ZNF385B: variants seen among roughly 807,000 people sequenced by gnomAD.
ZNF385B encodes the protein zinc finger protein 385B.
A neutral mutation model predicts 39.2 loss-of-function variants in ZNF385B; 23 were observed. That is an observed-to-expected ratio of 0.59 (90% CI 0.42 to 0.83). The LOEUF is 0.83. ZNF385B is among the 40% of genes least tolerant of loss of function. ZNF385B has a pLI of 0.00. For synonymous variants in ZNF385B, 205 were observed against 222.6 expected (o/e 0.92, Z 0.70); for missense variants, 552 against 598.9 (o/e 0.92, Z 0.82).
chr2:179,607,755 T>G (rs942612726), intron 3 of ZNF385B, among the ~76,000 whole-genome samples: 72 of 152,222 alleles, frequency 4.7e-4, no homozygotes, highest in African/African-American at 1.7e-3. Flanking sequence ...CATTCACAAT[T>G]TTATGGTGAA....
chr2:179,443,584 C>T, intron 9 of ZNF385B, 116 bp from the exon 10 acceptor site: 1 of 803,764 alleles, frequency 1.2e-6, no homozygotes, highest in Non-Finnish European at 2.0e-6. Context: ...TTTTGAAAAT[C>T]TTCACTCTCA....
At chr2:179,446,842 A>T in intron 6 of ZNF385B, 72 bp from the exon 7 acceptor site, 1 of 1,494,130 alleles carries the variant, frequency 6.7e-7, no homozygotes, top group East Asian at 2.3e-5. Context: ...ACCATAGATG[A>T]ATTAAAAATA....
At chr2:179,786,151 C>T (rs1704985999) in intron 1 of ZNF385B, among the ~76,000 whole-genome samples, 1 of 152,042 alleles carries the variant, frequency 6.6e-6, no homozygotes, top group African/African-American at 2.4e-5. Flanking sequence ...CAATATTTTT[C>T]AATTAAGGTA....
intron 5 of ZNF385B, among the ~76,000 whole-genome samples, chr2:179,493,397 A>G (rs1223878246): frequency 6.6e-6 from 1 of 151,660 alleles, no homozygotes; most frequent in Non-Finnish European, 1.5e-5. Context: ...ATATGTATGC[A>G]TACATATATG....
intron 7 of ZNF385B, 44 bp from the exon 8 acceptor site, chr2:179,445,772 A>C: frequency 6.7e-7 from 1 of 1,495,740 alleles, no homozygotes; most frequent in Non-Finnish European, 8.9e-7. Context: ...TCCAAGAATT[A>C]TATAAAGCTC....
At chr2:179,613,218 T>C (rs1439538693) in intron 3 of ZNF385B, among the ~76,000 whole-genome samples, 1 of 152,100 alleles carries the variant, frequency 6.6e-6, no homozygotes, top group Non-Finnish European at 1.5e-5. Context: ...GCCCTCTTGG[T>C]GTTCTACCAA....
intron 3 of ZNF385B, among the ~76,000 whole-genome samples, chr2:179,670,114 A>C (rs2106300406): frequency 6.6e-6 from 1 of 151,798 alleles, no homozygotes; most frequent in African/African-American, 2.4e-5. Context: ...ACACGGTGAA[A>C]CCCCGTCTCT....
intron 3 of ZNF385B, among the ~76,000 whole-genome samples, chr2:179,618,670 T>G (rs532686109): frequency 2.6e-5 from 4 of 152,290 alleles, no homozygotes; most frequent in African/African-American, 9.6e-5. Context: ...CTGCCTGAAC[T>G]TCTTGGCATG....
At chr2:179,453,910 G>A (rs1264195574) in intron 6 of ZNF385B, among the ~76,000 whole-genome samples, 1 of 152,154 alleles carries the variant, frequency 6.6e-6, no homozygotes, top group Non-Finnish European at 1.5e-5. Flanking sequence ...CTGTCACTCA[G>A]AGGACAACCA....
intron 1 of ZNF385B, among the ~76,000 whole-genome samples, chr2:179,843,405 T>G (rs1708643151): frequency 6.6e-6 from 1 of 152,224 alleles, no homozygotes; most frequent in Admixed American, 6.5e-5. Flanking sequence ...AAGTTTAGAT[T>G]CATTTTGTTA....
chr2:179,661,747 C>T (rs544043256), intron 3 of ZNF385B, among the ~76,000 whole-genome samples: 4 of 152,286 alleles, frequency 2.6e-5, no homozygotes, highest in African/African-American at 7.2e-5. Flanking sequence ...TAATCATTTG[C>T]GTCTTATAAT....
At chr2:179,711,747 T>C (rs1204849993) in intron 3 of ZNF385B, among the ~76,000 whole-genome samples, 2 of 152,120 alleles carry the variant, frequency 1.3e-5, no homozygotes, top group African/African-American at 4.8e-5. Context: ...GTGAAAATGG[T>C]ATATAAACTG....
chr2:179,528,502 G>C (rs1158495948), intron 4 of ZNF385B, among the ~76,000 whole-genome samples: 1 of 152,092 alleles, frequency 6.6e-6, no homozygotes, highest in Non-Finnish European at 1.5e-5. Context: ...TTTTGTGTGA[G>C]GATATTACAA....
intron 1 of ZNF385B, among the ~76,000 whole-genome samples, chr2:179,803,597 T>C (rs1380020389): frequency 6.6e-6 from 1 of 152,198 alleles, no homozygotes; most frequent in Non-Finnish European, 1.5e-5. Flanking sequence ...CTGTGCATGA[T>C]ATTTTGCACA....
intron 1 of ZNF385B, among the ~76,000 whole-genome samples, chr2:179,777,269 G>A (rs1339072057): frequency 6.6e-6 from 1 of 152,060 alleles, no homozygotes; most frequent in Non-Finnish European, 1.5e-5. Context: ...AGAATTGAAA[G>A]TACTAATTTA....
intron 3 of ZNF385B, among the ~76,000 whole-genome samples, chr2:179,609,216 A>G (rs987207118): frequency 1.3e-5 from 2 of 151,466 alleles, no homozygotes. Flanking sequence ...CCCCTCCCCA[A>G]CCCTACTACC....
intron 1 of ZNF385B, among the ~76,000 whole-genome samples, chr2:179,850,607 C>T (rs1709031875): frequency 6.6e-6 from 1 of 152,192 alleles, no homozygotes; most frequent in South Asian, 2.1e-4. Flanking sequence ...TGAGGAGGCA[C>T]ATGCTTTGTC....
intron 4 of ZNF385B, among the ~76,000 whole-genome samples, chr2:179,535,253 A>G (rs1263816393): frequency 6.6e-6 from 1 of 152,230 alleles, no homozygotes; most frequent in Non-Finnish European, 1.5e-5. Flanking sequence ...AGAGAAAACA[A>G]GTACAGGCTG....
At chr2:179,556,125 A>G (rs1355537004) in intron 3 of ZNF385B, among the ~76,000 whole-genome samples, 1 of 148,378 alleles carries the variant, frequency 6.7e-6, no homozygotes, top group African/African-American at 2.6e-5. Context: ...TGGCAATAGA[A>G]TATGTACAGC....
Sources: allele counts gnomAD v4.1 joint callset (sites outside exome capture counted in the v4.1 genomes callset), GRCh38; gene constraint gnomAD v4.1.1; transcripts MANE v1.5; gene names NCBI Gene and HGNC (gene_info 2026-07-23, HGNC 2026-07-21).